Variants in LY96 observed in about 807,000 individuals in gnomAD.
LY96 encodes lymphocyte antigen 96.
In LY96, 18 loss-of-function variants were observed where a neutral mutation model predicts 18.9. That is an observed-to-expected ratio of 0.95 (90% CI 0.66 to 1.41). LY96 has a LOEUF of 1.41. Ranked by LOEUF, LY96 falls within the 40% of genes most tolerant of loss-of-function variation. The pLI is 0.00. For synonymous variants in LY96, 66 were observed against 62.6 expected, an observed-to-expected ratio of 1.06 and a Z score of -0.26; for missense variants, 175 against 182.4, an observed-to-expected ratio of 0.96 and a Z score of 0.23.
chr8:74,011,750 T>C (rs1816536021), intron 3 of LY96, among the ~76,000 whole-genome samples: 1 of 151,848 alleles, frequency 6.6e-6, no homozygotes, highest in South Asian at 2.1e-4. Flanking sequence ...TCCCAGCTAC[T>C]TGAGAGGCTG....
chr8:74,072,153 A>C, the LY96 span, among the ~76,000 whole-genome samples: 1 of 152,150 alleles, frequency 6.6e-6, no homozygotes, highest in African/African-American at 2.4e-5. Flanking sequence ...GATCTATATA[A>C]TTTTTAATAG....
intron 3 of LY96, among the ~76,000 whole-genome samples, chr8:74,016,104 C>G (rs1816635919): frequency 6.6e-6 from 1 of 152,222 alleles, no homozygotes; most frequent in South Asian, 2.1e-4. Flanking sequence ...TTTCCCTTTC[C>G]TAGCCAAAGG....
chr8:74,080,155 C>T, the LY96 span, among the ~76,000 whole-genome samples: 1 of 152,140 alleles, frequency 6.6e-6, no homozygotes, highest in Non-Finnish European at 1.5e-5. Flanking sequence ...GAAAACAAGA[C>T]CCCTGGAAGG....
At chr8:74,009,952 A>G (rs1816495215) in intron 2 of LY96, 49 bp from the exon 3 acceptor site, 1 of 1,368,688 alleles carries the variant, frequency 7.3e-7, no homozygotes, top group Non-Finnish European at 1.0e-6. Context: ...ATTACTATGT[A>G]TAAAAGAATC....
At chr8:74,005,838 T>C (rs1197172871) in intron 2 of LY96, among the ~76,000 whole-genome samples, 1 of 152,256 alleles carries the variant, frequency 6.6e-6, no homozygotes, top group Non-Finnish European at 1.5e-5. Flanking sequence ...CAGAAAACTT[T>C]AGTTTTAATC....
chr8:74,086,740 T>C, the LY96 span, among the ~76,000 whole-genome samples: 158 of 152,298 alleles, frequency 1.0e-3, 4 homozygotes, highest in Non-Finnish European at 3.8e-4. Flanking sequence ...GTGGGGCCCT[T>C]GGGAGGCACA....
chr8:74,037,421 G>T, the LY96 span, among the ~76,000 whole-genome samples: 1 of 152,072 alleles, frequency 6.6e-6, no homozygotes, highest in Admixed American at 6.5e-5. Context: ...TTGAGCCCAA[G>T]AATTCAAGAC....
At chr8:74,057,511 T>G in the LY96 span, among the ~76,000 whole-genome samples, 1 of 152,236 alleles carries the variant, frequency 6.6e-6, no homozygotes, top group Non-Finnish European at 1.5e-5. Context: ...AAGAATATGC[T>G]GACTCCCTTA....
At chr8:74,037,239 A>G in the LY96 span, among the ~76,000 whole-genome samples, 1 of 152,202 alleles carries the variant, frequency 6.6e-6, no homozygotes, top group African/African-American at 2.4e-5. Flanking sequence ...TAAACGAGGA[A>G]TGTTGCCCAC....
chr8:74,097,633 C>T, the LY96 span, among the ~76,000 whole-genome samples: 35 of 152,254 alleles, frequency 2.3e-4, no homozygotes, highest in Admixed American at 1.4e-3. Context: ...CGCTTGAACC[C>T]GGCAGGCGGA....
the LY96 span, among the ~76,000 whole-genome samples, chr8:74,099,174 A>C: frequency 1.3e-5 from 2 of 152,322 alleles, no homozygotes; most frequent in African/African-American, 4.8e-5. Flanking sequence ...TGGGAAATAC[A>C]AGTAAAATTC....
chr8:74,032,300 C>T (rs1425652879), downstream of LY96, among the ~76,000 whole-genome samples: 1 of 152,186 alleles, frequency 6.6e-6, no homozygotes, highest in Non-Finnish European at 1.5e-5. Context: ...TGTCTTATGC[C>T]CAATTTCTGC....
chr8:74,045,018 G>C, the LY96 span, among the ~76,000 whole-genome samples: 2 of 152,230 alleles, frequency 1.3e-5, no homozygotes, highest in Non-Finnish European at 2.9e-5. Flanking sequence ...CCATTGCTGG[G>C]GCTTCAGAGC....
chr8:74,029,291 T>G (rs1336317036), downstream of LY96, among the ~76,000 whole-genome samples: 2 of 151,406 alleles, frequency 1.3e-5, no homozygotes, highest in Non-Finnish European at 2.9e-5. Context: ...TGGGCAAGAG[T>G]GTTTGTTATG....
chr8:74,074,500 T>C, the LY96 span, among the ~76,000 whole-genome samples: 2 of 152,176 alleles, frequency 1.3e-5, no homozygotes, highest in Non-Finnish European at 2.9e-5. Flanking sequence ...TATGCTCTGA[T>C]GTTTATTATT....
At chr8:74,015,810 C>T (rs1030047689) in intron 3 of LY96, among the ~76,000 whole-genome samples, 2 of 152,196 alleles carry the variant, frequency 1.3e-5, no homozygotes, top group Admixed American at 6.5e-5. Context: ...TGTTCTCCCT[C>T]GCCCTGCCTC....
chr8:74,040,592 T>C, the LY96 span, among the ~76,000 whole-genome samples: 1 of 152,226 alleles, frequency 6.6e-6, no homozygotes, highest in Non-Finnish European at 1.5e-5. Context: ...AAAGAGACTG[T>C]TCTATCCCCA....
chr8:74,022,302 C>T (rs72661877), intron 3 of LY96, among the ~76,000 whole-genome samples: 20 of 151,726 alleles, frequency 1.3e-4, no homozygotes, highest in Admixed American at 2.6e-4. Context: ...CGCTACCACC[C>T]GGGAGCCTGA....
chr8:74,098,543 T>C, the LY96 span, among the ~76,000 whole-genome samples: 1 of 152,092 alleles, frequency 6.6e-6, no homozygotes. Flanking sequence ...GCCCAGCTAA[T>C]ATTTTGTATT....
Sources: gnomAD v4.1 joint callset for allele counts (sites outside exome capture counted in the v4.1 genomes callset) on GRCh38, gnomAD v4.1.1 for gene constraint, MANE v1.5 for transcripts, NCBI Gene and HGNC (gene_info 2026-07-23, HGNC 2026-07-21) for gene names.